Variants in EXOC4 observed in about 807,000 individuals in gnomAD.
EXOC4 encodes the protein SEC8-like 1.
Under a neutral mutation model 107.2 loss-of-function variants are expected in EXOC4, and 71 were observed. That is an observed-to-expected ratio of 0.66 (90% CI 0.55 to 0.81). The LOEUF is 0.81. EXOC4 is among the 30% of genes least tolerant of loss of function. The probability of loss-of-function intolerance (pLI) is 0.00; values close to 1 mark genes in which losing one functional copy is unlikely to be tolerated. For missense variants in EXOC4, 1,108 were observed against 1,189.6 expected, an observed-to-expected ratio of 0.93 and a Z score of 1.01; for synonymous variants, 456 against 441.2, an observed-to-expected ratio of 1.03 and a Z score of -0.42.
At position 133,638,248 on chromosome 7, in the gene EXOC4, G is replaced by C. The variant is rs1802761315; in HGVS notation, c.1514+8107G>C. Among the ~76,000 whole-genome samples the C allele has an allele frequency of 2.0e-5, 3 of 152,244 alleles. No homozygotes were observed. The Middle Eastern group carries it at 0.01, about 518-fold the overall frequency. On this transcript the variant is annotated intron_variant, in intron 10 of 17. Transcript: ENST00000253861. ...TCAAATGAATAAGGCAGCAGAAATA[G>C]GAAAGCTTTTCTTGGGAGATAATAT... is the stretch of plus-strand genomic sequence containing the variant.
the EXOC4 span, among the ~76,000 whole-genome samples, chr7:134,094,772 T>G: frequency 6.6e-6 from 1 of 152,156 alleles, no homozygotes; most frequent in South Asian, 2.1e-4. Flanking sequence ...AATATTTCAA[T>G]AAAATCCAAC....
the EXOC4 span, among the ~76,000 whole-genome samples, chr7:134,100,076 A>T: frequency 3.9e-5 from 6 of 152,032 alleles, no homozygotes; most frequent in Non-Finnish European, 5.9e-5. Flanking sequence ...ACCATGTCAC[A>T]TAAAACTTAA....
At chr7:133,856,823 C>T (rs1798382893) in intron 11 of EXOC4, among the ~76,000 whole-genome samples, 1 of 151,694 alleles carries the variant, frequency 6.6e-6, no homozygotes, top group African/African-American at 2.4e-5. Context: ...AAAATATTAC[C>T]TCCACTAAAG....
chr7:133,918,555 A>G (rs1460642328), intron 13 of EXOC4, among the ~76,000 whole-genome samples: 2 of 152,190 alleles, frequency 1.3e-5, no homozygotes, highest in East Asian at 1.9e-4. Flanking sequence ...CATACATTGT[A>G]TTATCCGTGA....
chr7:133,422,074 T>G (rs1013545489), intron 7 of EXOC4, among the ~76,000 whole-genome samples: 2 of 152,162 alleles, frequency 1.3e-5, no homozygotes, highest in African/African-American at 4.8e-5. Flanking sequence ...AAAAATTTCA[T>G]TTTTTTGCAA....
At chr7:133,663,847 C>T (rs932968935) in intron 10 of EXOC4, among the ~76,000 whole-genome samples, 1 of 152,138 alleles carries the variant, frequency 6.6e-6, no homozygotes, top group Admixed American at 6.6e-5. Context: ...AAATGTAAGT[C>T]ACATTACAAG....
intron 9 of EXOC4, among the ~76,000 whole-genome samples, chr7:133,602,835 A>G (rs1801839954): frequency 6.6e-6 from 1 of 152,222 alleles, no homozygotes; most frequent in South Asian, 2.1e-4. Flanking sequence ...GCTGTTAGGA[A>G]TGATCTCTTT....
At chr7:133,345,347 A>G (rs1007748585) in intron 5 of EXOC4, among the ~76,000 whole-genome samples, 17 of 152,170 alleles carry the variant, frequency 1.1e-4, no homozygotes, top group African/African-American at 3.1e-4. Flanking sequence ...TGTTCTTTCC[A>G]CTACATCTTG....
intron 4 of EXOC4, among the ~76,000 whole-genome samples, chr7:133,310,659 G>C (rs1794851074): frequency 6.6e-6 from 1 of 152,166 alleles, no homozygotes; most frequent in African/African-American, 2.4e-5. Context: ...GCCACAGGAA[G>C]GGTCTGTTTG....
chr7:133,627,745 C>G (rs1802491350), intron 9 of EXOC4, among the ~76,000 whole-genome samples: 1 of 152,176 alleles, frequency 6.6e-6, no homozygotes, highest in South Asian at 2.1e-4. Context: ...ACCTTCATAT[C>G]TCTGATGCAA....
At chr7:133,317,862 A>T (rs949297676) in intron 5 of EXOC4, among the ~76,000 whole-genome samples, 3 of 151,922 alleles carry the variant, frequency 2.0e-5, no homozygotes, top group Admixed American at 6.6e-5. Flanking sequence ...TTGTATTTTT[A>T]GTAGAGACAG....
chr7:133,632,425 T>A (rs1266280458), intron 10 of EXOC4, among the ~76,000 whole-genome samples: 1 of 152,190 alleles, frequency 6.6e-6, no homozygotes, highest in Non-Finnish European at 1.5e-5. Context: ...GATAAACGGA[T>A]GACTATGATG....
chr7:133,945,453 A>T lies in EXOC4; in HGVS notation c.2206+7384A>T, dbSNP rs796779929. On this transcript the variant is annotated intron_variant, in intron 14 of 17. Transcript: ENST00000253861. The stretch of plus-strand genomic sequence containing the variant: ...ACAGAGAAGAACTGTAGGCATGGAG[A>T]TACGGTACTTCGTGTCCATGCCAGA... Among the ~76,000 whole-genome samples the T allele has an allele frequency of 5.9e-5, 9 of 152,322 alleles. 1 individual carries two copies. Among genetic ancestry groups the T allele is most frequent in the African/African-American group, 2.2e-4 (9 of 41,570 alleles).
intron 9 of EXOC4, among the ~76,000 whole-genome samples, chr7:133,604,617 A>T (rs560686548): frequency 1.3e-5 from 2 of 150,314 alleles, no homozygotes; most frequent in East Asian, 3.9e-4. Context: ...TCTGAACTTG[A>T]CACACTTGGT....
intron 7 of EXOC4, among the ~76,000 whole-genome samples, chr7:133,429,084 T>G (rs1212857759): frequency 5.3e-5 from 8 of 152,284 alleles, no homozygotes; most frequent in East Asian, 1.9e-4. Flanking sequence ...TTGAGGTGAT[T>G]GACAGCACGG....
chr7:133,857,147 CGTATATATATATATATATATATATATAT>C (rs1290839975), intron 11 of EXOC4, among the ~76,000 whole-genome samples: 2 of 19,092 alleles, frequency 1.0e-4, no homozygotes, highest in African/African-American at 4.6e-4. Flanking sequence ...TACACATACA[CGTATATATATATATATATATATATATAT>C]ATATATATAT....
chr7:133,253,084 G>T lies in EXOC4; in HGVS notation c.-18G>T, dbSNP rs1222808943. On this transcript the variant is annotated 5_prime_UTR_variant, in exon 1 of 18. Transcript: ENST00000253861. The stretch of plus-strand genomic sequence containing the variant: ...CCCTTGGCTTCCTTGGAGCCTAGCG[G>T]CTCTCCCCGCGTCCAAGATGGCGGC... 1.2e-6 allele frequency: 2 copies of T among 1,613,676 alleles called. No homozygotes were observed. Among genetic ancestry groups the T allele is most frequent in the Non-Finnish European group, 1.7e-6 (2 of 1,179,594 alleles).
intron 10 of EXOC4, among the ~76,000 whole-genome samples, chr7:133,724,692 T>C (rs1795179782): frequency 6.6e-6 from 1 of 152,166 alleles, no homozygotes; most frequent in African/African-American, 2.4e-5. Flanking sequence ...GAAGGGCTCA[T>C]TAAGAAAGGG....
At chr7:133,256,192 A>G (rs1384606407) in intron 1 of EXOC4, among the ~76,000 whole-genome samples, 1 of 152,192 alleles carries the variant, frequency 6.6e-6, no homozygotes, top group African/African-American at 2.4e-5. Flanking sequence ...CATGTTAGCC[A>G]GGATGGTTTT....
Sources: gnomAD v4.1 joint callset for allele counts (sites outside exome capture counted in the v4.1 genomes callset) on GRCh38, gnomAD v4.1.1 for gene constraint, MANE v1.5 for transcripts, NCBI Gene and HGNC (gene_info 2026-07-23, HGNC 2026-07-21) for gene names.